Variants in UGT1A5 observed in about 807,000 individuals in gnomAD.
UGT1A5 encodes UDP glucuronosyltransferase family 1 member A5.
Under a neutral mutation model 40.3 loss-of-function variants are expected in UGT1A5, and 29 were observed. That is an observed-to-expected ratio of 0.72 (90% confidence interval 0.54 to 0.98). The LOEUF is 0.98. Ranked by LOEUF, UGT1A5 falls within the 50% of genes least tolerant of loss-of-function variation. UGT1A5 has a pLI of 0.00. For synonymous variants in UGT1A5, 257 were observed against 262.5 expected, an observed-to-expected ratio of 0.98 and a Z score of 0.20; for missense variants, 678 against 677.9, an observed-to-expected ratio of 1.00 and a Z score of 0.00.
intron 4 of UGT1A5, chr2:233,770,359 G>A (rs1272591854): frequency 6.6e-6 from 1 of 152,118 alleles, no homozygotes; most frequent in Non-Finnish European, 1.5e-5. Context: ...TTGAATGAAT[G>A]AATGAAAGTT....
At chr2:233,768,058 C>A in intron 3 of UGT1A5, 122 bp downstream of exon 3, 3 of 1,601,872 alleles carry the variant, frequency 1.9e-6, no homozygotes, top group Non-Finnish European at 2.6e-6. Context: ...TCCTACATTG[C>A]TTTTTATCTA....
At position 233,769,393 on chromosome 2, in the gene UGT1A5, G is replaced by A. The variant is rs767407915; in HGVS notation, c.1307+954G>A. ...GATTTCATCCGACAATAGATACTGT[G>A]TGCATATGTGCGTGTGCGTTTGTGC... is the stretch of plus-strand genomic sequence containing the variant. On this transcript the variant is annotated intron_variant, in intron 4 of 4. Transcript: ENST00000373414. This position sits in a 1 kb window ranked among gnomAD's most constrained non-coding sequence, Gnocchi z 4.4. 2.7e-5 allele frequency: 30 copies of A among 1,098,632 alleles called. No homozygotes were observed. Among genetic ancestry groups the A allele is most frequent in the Non-Finnish European group, 3.5e-5 (26 of 750,310 alleles). 68.1% of individuals were successfully genotyped at this position (1,098,632 alleles called of 1,614,324 possible).
At chr2:233,737,974 T>C (rs1690646890) in intron 1 of UGT1A5, among the ~76,000 whole-genome samples, 1 of 152,114 alleles carries the variant, frequency 6.6e-6, no homozygotes, top group South Asian at 2.1e-4. Flanking sequence ...CTAGATTTAA[T>C]ATGGTTTGGC....
At chr2:233,755,071 G>A (rs775333434) in intron 1 of UGT1A5, 133 of 1,336,342 alleles carry the variant, frequency 1.0e-4, no homozygotes, top group Non-Finnish European at 1.3e-4. Context: ...TCGCCATAGC[G>A]GTCATAGATA....
intron 1 of UGT1A5, among the ~76,000 whole-genome samples, chr2:233,726,813 T>C (rs2077563444): frequency 6.6e-6 from 1 of 152,232 alleles, no homozygotes; most frequent in Non-Finnish European, 1.5e-5. Context: ...GAGGTTTTCC[T>C]CTATTCGACC....
At chr2:233,743,656 G>C (rs528527073) in intron 1 of UGT1A5, 2 of 1,367,266 alleles carry the variant, frequency 1.5e-6, no homozygotes, top group Non-Finnish European at 2.0e-6. Context: ...AGACGTACTC[G>C]AAGGGGTCCT....
At chr2:233,750,094 G>C (rs1227492206) in intron 1 of UGT1A5, among the ~76,000 whole-genome samples, 2 of 151,908 alleles carry the variant, frequency 1.3e-5, no homozygotes, top group Non-Finnish European at 2.9e-5. Flanking sequence ...GAACAGTTTG[G>C]AGAGCTCAGA....
chr2:233,769,404 C>A lies in UGT1A5; in HGVS notation c.1307+965C>A. The A allele has an allele frequency of 8.2e-7, 1 of 1,225,146 alleles. No homozygotes were observed. The highest frequency in any genetic ancestry group is 1.2e-6 in the Non-Finnish European group (1 of 856,112). The allele number at this position is 1,225,146 out of a possible 1,614,324, so 75.9% of individuals were successfully genotyped here. ...ACAATAGATACTGTGTGCATATGTGCGTGTGCGTTTGTGCATGTGGCTGTG... is the reference window on the plus strand; with the variant it reads ...ACAATAGATACTGTGTGCATATGTGAGTGTGCGTTTGTGCATGTGGCTGTG... On this transcript the variant is annotated intron_variant, in intron 4 of 4. Transcript: ENST00000373414. The surrounding 1 kb of genome is among the most constrained non-coding windows in gnomAD (Gnocchi z 4.4).
At chr2:233,730,071 T>C in intron 1 of UGT1A5, 2 of 1,609,386 alleles carry the variant, frequency 1.2e-6, no homozygotes, top group Non-Finnish European at 1.7e-6. Context: ...TAAAATTGCT[T>C]CCATATTTAC....
intron 1 of UGT1A5, among the ~76,000 whole-genome samples, chr2:233,717,530 G>A (rs1276644259): frequency 6.6e-6 from 1 of 152,220 alleles, no homozygotes; most frequent in African/African-American, 2.4e-5. Flanking sequence ...CCTCCATAAG[G>A]GAAGCCTCAG....
chr2:233,722,529 T>C lies in UGT1A5; in HGVS notation c.867+8671T>C, dbSNP rs1318549990. ...TAATTGCAGCTTATTTTTGCCTTAA[T>C]GATTTCATCCTAGTTTCTTTTGGTT... On this transcript the variant is annotated intron_variant, in intron 1 of 4. Transcript: ENST00000373414. 2.0e-5 allele frequency among the ~76,000 whole-genome samples: 3 copies of C among 152,366 alleles called. No individual in the cohort carries two copies. In the East Asian group the frequency reaches 5.8e-4, roughly 29 times the overall value.
intron 1 of UGT1A5, chr2:233,752,472 A>G (rs185071344): frequency 6.6e-5 from 10 of 152,356 alleles, no homozygotes; most frequent in Admixed American, 4.6e-4. Flanking sequence ...GGCCTCTAGC[A>G]GTGTTATGTT....
intron 1 of UGT1A5, chr2:233,721,450 G>C (rs970104665): frequency 6.0e-6 from 1 of 165,414 alleles, no homozygotes; most frequent in South Asian, 1.7e-4. Flanking sequence ...GTTATAGTGA[G>C]CACCCAATAA....
At chr2:233,742,488 T>A (rs1480874171) in intron 1 of UGT1A5, among the ~76,000 whole-genome samples, 1 of 151,938 alleles carries the variant, frequency 6.6e-6, no homozygotes, top group African/African-American at 2.4e-5. Context: ...ACCTTCAGCA[T>A]AGGCATCATG....
intron 1 of UGT1A5, among the ~76,000 whole-genome samples, chr2:233,717,359 G>A (rs1445197298): frequency 6.6e-6 from 1 of 152,216 alleles, no homozygotes; most frequent in Non-Finnish European, 1.5e-5. Flanking sequence ...CCCCTGGGGA[G>A]TTCTCAAGCC....
At chr2:233,755,407 G>A (rs1260827425) in intron 1 of UGT1A5, 10 of 333,228 alleles carry the variant, frequency 3.0e-5, no homozygotes, top group Non-Finnish European at 4.1e-5. Context: ...CTCATTGGCC[G>A]AGGCCTGTGA....
At chr2:233,728,892 C>T (rs781127697) in intron 1 of UGT1A5, among the ~76,000 whole-genome samples, 15 of 152,110 alleles carry the variant, frequency 9.9e-5, no homozygotes, top group Non-Finnish European at 2.2e-4. Context: ...CCAGAGTGAG[C>T]ACAGGGTCAG....
chr2:233,718,010 G>A lies in UGT1A5; in HGVS notation c.867+4152G>A, dbSNP rs28898608. On this transcript the variant is annotated intron_variant, in intron 1 of 4. Transcript: ENST00000373414. ...CAGACTGTGCAAGATCTGAGGCCAG[G>A]CTCCAGCTCCCCAGGTCCTTTGGTG... The A allele has an allele frequency of 4.4e-3, 1,784 of 402,414 alleles. 38 individuals carry two copies. Among genetic ancestry groups the A allele is most frequent in the African/African-American group, 0.033 (1,616 of 48,364 alleles). The allele number at this position is 402,414 out of a possible 1,614,324, so 24.9% of individuals were successfully genotyped here. A position where few individuals can be genotyped will look rare whatever the true frequency, so the allele number is the denominator to read the frequency against.
intron 1 of UGT1A5, among the ~76,000 whole-genome samples, chr2:233,727,743 C>T (rs576433426): frequency 2.0e-5 from 3 of 152,300 alleles, no homozygotes; most frequent in Non-Finnish European, 2.9e-5. Flanking sequence ...TGCCATCCTG[C>T]GTGTGCTGCC....
Sources: gnomAD v4.1 joint callset for allele counts (sites outside exome capture counted in the v4.1 genomes callset) on GRCh38, gnomAD v4.1.1 for gene constraint, Gnocchi (gnomAD v3.1) non-coding constraint, MANE v1.5 for transcripts, NCBI Gene and HGNC (gene_info 2026-07-23, HGNC 2026-07-21) for gene names.